The following TBC1D32 variants were observed in gnomAD, a reference collection of about 807,000 sequenced individuals.
TBC1D32 encodes TBC1 domain family member 32.
In TBC1D32, 151 loss-of-function variants were observed where a neutral mutation model predicts 170.3. That is an observed-to-expected ratio of 0.89 (90% CI 0.78 to 1.01). The LOEUF (loss-of-function observed/expected upper bound fraction) is 1.01. Among genes scored for constraint, TBC1D32 ranks in the 50% least tolerant of loss-of-function variants. TBC1D32 has a pLI of 0.00. For missense variants in TBC1D32, 1,464 were observed against 1,457.1 expected (o/e 1.00, Z -0.08); for synonymous variants, 498 against 488.0 (o/e 1.02, Z -0.27).
chr6:121,240,001 T>G (rs930628907), intron 19 of TBC1D32, among the ~76,000 whole-genome samples: 1 of 152,178 alleles, frequency 6.6e-6, no homozygotes, highest in African/African-American at 2.4e-5. Flanking sequence ...GCAAAAATCC[T>G]GTGACTTCTT....
At chr6:121,298,099 T>C (rs890160428) in intron 10 of TBC1D32, among the ~76,000 whole-genome samples, 3 of 152,068 alleles carry the variant, frequency 2.0e-5, no homozygotes, top group Non-Finnish European at 4.4e-5. Context: ...TGCATCATTT[T>C]CCCCAATGTT....
intron 22 of TBC1D32, among the ~76,000 whole-genome samples, chr6:121,174,765 T>A (rs1787525989): frequency 1.3e-5 from 2 of 152,192 alleles, no homozygotes; most frequent in African/African-American, 4.8e-5. Flanking sequence ...GCATACTGAA[T>A]CATGCCTGTA....
At chr6:121,202,028 C>G (rs1791634389) in intron 22 of TBC1D32, among the ~76,000 whole-genome samples, 2 of 150,918 alleles carry the variant, frequency 1.3e-5, no homozygotes, top group African/African-American at 4.9e-5. Flanking sequence ...GTTCAATTTT[C>G]AACATGTTTA....
chr6:121,088,237 G>A (rs891529982), intron 31 of TBC1D32, among the ~76,000 whole-genome samples: 3 of 152,066 alleles, frequency 2.0e-5, no homozygotes, highest in Non-Finnish European at 4.4e-5. Context: ...TTACACGTGT[G>A]AGCCACTGCA....
intron 15 of TBC1D32, among the ~76,000 whole-genome samples, chr6:121,268,033 C>G (rs546107361): frequency 1.8e-4 from 27 of 152,292 alleles, no homozygotes; most frequent in African/African-American, 6.0e-4. Flanking sequence ...AACAGACCTG[C>G]ACCGGAGGGT....
chr6:121,182,255 A>G (rs767903128), intron 22 of TBC1D32, among the ~76,000 whole-genome samples: 3 of 152,028 alleles, frequency 2.0e-5, no homozygotes, highest in South Asian at 2.1e-4. Flanking sequence ...TTATTTTATA[A>G]CAATTTGTTA....
intron 2 of TBC1D32, among the ~76,000 whole-genome samples, chr6:121,318,629 A>C (rs1245364024): frequency 6.6e-6 from 1 of 152,022 alleles, no homozygotes; most frequent in Non-Finnish European, 1.5e-5. Flanking sequence ...ATCATAAATA[A>C]GTTTCAATTT....
At chr6:121,170,937 C>G (rs1314001588) in intron 22 of TBC1D32, among the ~76,000 whole-genome samples, 1 of 151,954 alleles carries the variant, frequency 6.6e-6, no homozygotes, top group East Asian at 1.9e-4. Flanking sequence ...AGAAAATGTT[C>G]ATTAGATAAA....
chr6:121,135,585 A>C (rs1781964119), intron 24 of TBC1D32, among the ~76,000 whole-genome samples: 1 of 152,122 alleles, frequency 6.6e-6, no homozygotes, highest in Non-Finnish European at 1.5e-5. Flanking sequence ...AAGAGGCTAA[A>C]ATTTGTGGAT....
At chr6:121,210,047 G>A (rs1216875407) in intron 21 of TBC1D32, among the ~76,000 whole-genome samples, 3 of 152,142 alleles carry the variant, frequency 2.0e-5, no homozygotes. Context: ...TAAAGGAAAA[G>A]GGTATTTTGT....
At chr6:121,267,885 C>T (rs550177704) in intron 15 of TBC1D32, among the ~76,000 whole-genome samples, 6 of 152,192 alleles carry the variant, frequency 3.9e-5, no homozygotes, top group African/African-American at 9.6e-5. Context: ...CTCATATAAC[C>T]GGGTGCCCTC....
chr6:121,246,350 C>G (rs903032340), intron 17 of TBC1D32, among the ~76,000 whole-genome samples: 1 of 152,076 alleles, frequency 6.6e-6, no homozygotes, highest in African/African-American at 2.4e-5. Flanking sequence ...GAACAATACA[C>G]ATTAAAGTCA....
chr6:121,193,765 T>C (rs1441018376), intron 22 of TBC1D32, among the ~76,000 whole-genome samples: 1 of 152,226 alleles, frequency 6.6e-6, no homozygotes, highest in African/African-American at 2.4e-5. Flanking sequence ...TTAATTTATA[T>C]TAGCAGAAAA....
Position 121,187,126 on chromosome 6 carries a change from CATAAT to C in TBC1D32, c.2570+17944_2570+17948del, listed in dbSNP as rs376819356. On this transcript the variant is annotated intron_variant, in intron 22 of 31. Coordinates refer to ENST00000398212, the MANE Select transcript of TBC1D32 (RefSeq NM_152730.6). ...ATTGGGGAAGGAAATAAAATATAAT[CATAAT>C]ATATCTTTGAATTGGCAGTGAATAA... is the stretch of plus-strand genomic sequence containing the variant. Among the ~76,000 whole-genome samples, 387 of 152,018 alleles carry C rather than the reference CATAAT, an allele frequency of 2.5e-3. 1 individual carries two copies. The highest frequency in any genetic ancestry group is 8.8e-3 in the African/African-American group (365 of 41,468).
chr6:121,270,453 C>T (rs1418424084), intron 15 of TBC1D32, among the ~76,000 whole-genome samples: 1 of 152,106 alleles, frequency 6.6e-6, no homozygotes, highest in Non-Finnish European at 1.5e-5. Context: ...CACAGAAATA[C>T]AAACTACCAT....
At chr6:121,242,371 T>C (rs767164585) in intron 17 of TBC1D32, 32 bp from the exon 18 acceptor site, 2 of 1,601,064 alleles carry the variant, frequency 1.2e-6, no homozygotes, top group African/African-American at 2.7e-5. Context: ...TAGAGCTTTC[T>C]TTAAGATACT....
rs749610893 is a variant in TBC1D32 at position 121,239,170 on chromosome 6, A to T, written c.2264T>A (p.Ile755Lys). ...TTCCAGATTGGACCATAATTCAGTT[A>T]TAAGTTCATTAATAAACCCTAAAAA... ...LKKSGFINEL[I>K]TELWSNLEYG... Residue 755 changes from isoleucine to lysine, a missense_variant, in exon 20 of 32, where the codon ATA (isoleucine) becomes AAA (lysine). Ile to Lys is a moderately radical substitution (Grantham distance 102). Transcript: ENST00000398212. 1.9e-6 allele frequency: 3 copies of T among 1,592,082 alleles called. No homozygotes were observed. The highest frequency in any genetic ancestry group is 2.6e-6 in the Non-Finnish European group (3 of 1,163,236).
intron 2 of TBC1D32, 127 bp downstream of exon 2, chr6:121,321,506 C>T (rs561365214): frequency 2.3e-6 from 2 of 877,822 alleles, no homozygotes; most frequent in Admixed American, 2.6e-5. Context: ...CATGATCTGA[C>T]TCATTGTTTT....
chr6:121,242,834 A>G (rs1180747802), intron 17 of TBC1D32, among the ~76,000 whole-genome samples: 1 of 152,088 alleles, frequency 6.6e-6, no homozygotes, highest in Non-Finnish European at 1.5e-5. Flanking sequence ...GAACACTTCT[A>G]TAAGAAAGAT....
Sources: allele counts gnomAD v4.1 joint callset (sites outside exome capture counted in the v4.1 genomes callset), GRCh38; gene constraint gnomAD v4.1.1; transcripts MANE v1.5; gene names NCBI Gene and HGNC (gene_info 2026-07-23, HGNC 2026-07-21).